PCDH9: variants seen among roughly 807,000 people sequenced by gnomAD.
The protein encoded by PCDH9 is protocadherin-9.
Under a neutral mutation model 70.6 loss-of-function variants are expected in PCDH9, and 24 were observed. That is an observed-to-expected ratio of 0.34 (90% CI 0.25 to 0.48). PCDH9 has a LOEUF of 0.48. PCDH9 is among the 20% of genes least tolerant of loss of function. PCDH9 has a pLI of 0.99. For missense variants in PCDH9, 1,281 were observed against 1,503.6 expected (o/e 0.85, Z 2.45); for synonymous variants, 562 against 558.5 (o/e 1.01, Z -0.09).
At chr13:66,377,663 T>C (rs1265361697) in intron 4 of PCDH9, among the ~76,000 whole-genome samples, 1 of 152,142 alleles carries the variant, frequency 6.6e-6, no homozygotes, top group Non-Finnish European at 1.5e-5. Context: ...ATATTTTTCT[T>C]CTGAAGAAAA....
At chr13:66,795,343 T>G (rs1218560816) in intron 3 of PCDH9, among the ~76,000 whole-genome samples, 1 of 152,168 alleles carries the variant, frequency 6.6e-6, no homozygotes, top group East Asian at 1.9e-4. Context: ...AGTTTTGGGA[T>G]TTGGAATGCT....
At chr13:66,865,595 G>T (rs1221066808) in intron 3 of PCDH9, among the ~76,000 whole-genome samples, 1 of 152,072 alleles carries the variant, frequency 6.6e-6, no homozygotes. Context: ...ATTTCCAGTG[G>T]GTCTCTGCTA....
At chr13:66,596,782 AT>A (rs1293957570) in intron 4 of PCDH9, among the ~76,000 whole-genome samples, 5 of 147,076 alleles carry the variant, frequency 3.4e-5, no homozygotes, top group South Asian at 2.1e-4. Context: ...TTTTTCATTC[AT>A]TTTTCCCCAA....
intron 4 of PCDH9, among the ~76,000 whole-genome samples, chr13:66,461,506 C>T (rs542880818): frequency 6.6e-6 from 1 of 150,442 alleles, no homozygotes; most frequent in Admixed American, 6.6e-5. Flanking sequence ...CATACACCTT[C>T]TAATCCATTA....
intron 4 of PCDH9, among the ~76,000 whole-genome samples, chr13:66,456,999 ATC>A (rs1330783849): frequency 6.6e-6 from 1 of 152,114 alleles, no homozygotes; most frequent in African/African-American, 2.4e-5. Context: ...AGTAATTACT[ATC>A]CTGAATTTAG....
At chr13:66,785,969 T>A (rs531301685) in intron 3 of PCDH9, among the ~76,000 whole-genome samples, 20 of 152,292 alleles carry the variant, frequency 1.3e-4, no homozygotes, top group Admixed American at 7.8e-4. Flanking sequence ...AACAACTAGG[T>A]AACAATTTTG....
At chr13:67,141,975 G>C (rs996889184) in intron 2 of PCDH9, among the ~76,000 whole-genome samples, 1 of 150,850 alleles carries the variant, frequency 6.6e-6, no homozygotes, top group African/African-American at 2.4e-5. Context: ...TATGGAATTT[G>C]AAATTTTATA....
Position 66,483,712 on chromosome 13 carries a change from GC to G in PCDH9, c.3340+147497del, listed in dbSNP as rs1413927380. On this transcript the variant is annotated intron_variant, in intron 4 of 4. Coordinates refer to ENST00000377865, the MANE Select transcript of PCDH9 (RefSeq NM_203487.3). ...TGATACTGAAGTGGAGGAGACAAGT[GC>G]TGGGTAGAGGAGGGCATGATCCCTG... 2.0e-5 allele frequency among the ~76,000 whole-genome samples: 3 copies of G among 152,292 alleles called. No individual in the cohort carries two copies. In the East Asian group the frequency reaches 5.8e-4, roughly 29 times the overall value.
chr13:66,818,886 A>G (rs1219353752), intron 3 of PCDH9, among the ~76,000 whole-genome samples: 1 of 151,936 alleles, frequency 6.6e-6, no homozygotes, highest in Non-Finnish European at 1.5e-5. Context: ...GTGGGCCGAG[A>G]TCGCGCCACT....
chr13:66,998,765 C>T (rs2084175589), intron 2 of PCDH9, among the ~76,000 whole-genome samples: 1 of 152,194 alleles, frequency 6.6e-6, no homozygotes, highest in South Asian at 2.1e-4. Context: ...TCTCATCAAT[C>T]TTCCACTCAG....
intron 2 of PCDH9, among the ~76,000 whole-genome samples, chr13:66,952,991 T>C (rs1594305393): frequency 6.6e-6 from 1 of 152,144 alleles, no homozygotes; most frequent in South Asian, 2.1e-4. Context: ...TTCTATTTCA[T>C]ACATTCTCAT....
intron 4 of PCDH9, among the ~76,000 whole-genome samples, chr13:66,552,188 A>G (rs1270804031): frequency 6.6e-6 from 1 of 152,100 alleles, no homozygotes; most frequent in African/African-American, 2.4e-5. Flanking sequence ...GTGAGACTCA[A>G]TATTATCCAT....
At chr13:67,191,126 CT>C (rs1310812904) in intron 2 of PCDH9, among the ~76,000 whole-genome samples, 1 of 151,982 alleles carries the variant, frequency 6.6e-6, no homozygotes, top group African/African-American at 2.4e-5. Context: ...TATCCCTCTT[CT>C]TTTAAAAAAG....
chr13:66,372,893 T>C (rs755604262), intron 4 of PCDH9, among the ~76,000 whole-genome samples: 7 of 151,946 alleles, frequency 4.6e-5, no homozygotes, highest in Non-Finnish European at 7.4e-5. Flanking sequence ...CTGGCTCTAG[T>C]GTTAGGGTCA....
chr13:66,690,904 T>C (rs527332552), intron 3 of PCDH9, among the ~76,000 whole-genome samples: 3 of 152,354 alleles, frequency 2.0e-5, no homozygotes, highest in African/African-American at 7.2e-5. Context: ...TCTCATGAAC[T>C]GCCAGCAGTG....
At chr13:66,644,706 A>C (rs1332477058) in intron 3 of PCDH9, among the ~76,000 whole-genome samples, 3 of 152,014 alleles carry the variant, frequency 2.0e-5, no homozygotes, top group African/African-American at 7.2e-5. Context: ...TTCAAAAAAA[A>C]GTACTTCTGC....
chr13:67,089,284 T>C (rs1044694048), intron 2 of PCDH9, among the ~76,000 whole-genome samples: 1 of 152,036 alleles, frequency 6.6e-6, no homozygotes, highest in Admixed American at 6.6e-5. Context: ...TATATGGGAT[T>C]GTATTTTATT....
chr13:66,391,763 G>T (rs1957021945), intron 4 of PCDH9, among the ~76,000 whole-genome samples: 1 of 151,866 alleles, frequency 6.6e-6, no homozygotes, highest in African/African-American at 2.4e-5. Flanking sequence ...TGCCATGAAA[G>T]TGATACATGT....
At chr13:67,114,522 T>C (rs919387598) in intron 2 of PCDH9, among the ~76,000 whole-genome samples, 2 of 152,196 alleles carry the variant, frequency 1.3e-5, no homozygotes, top group Non-Finnish European at 2.9e-5. Flanking sequence ...TAATTTTAAA[T>C]AAATGGAATG....
Sources: allele counts gnomAD v4.1 joint callset (sites outside exome capture counted in the v4.1 genomes callset), GRCh38; gene constraint gnomAD v4.1.1; transcripts MANE v1.5; gene names NCBI Gene and HGNC (gene_info 2026-07-23, HGNC 2026-07-21).